Variants in SLC26A7 observed in about 807,000 individuals in gnomAD.
SLC26A7 encodes the protein solute carrier family 26 member 7.
In SLC26A7, 59 loss-of-function variants were observed where a neutral mutation model predicts 82.5. The observed-to-expected ratio is 0.72, with a 90% CI of 0.58 to 0.89. SLC26A7 has a LOEUF of 0.89. SLC26A7 is among the 40% of genes least tolerant of loss of function. The pLI is 0.00. For missense variants in SLC26A7, 820 were observed against 793.0 expected, an observed-to-expected ratio of 1.03 and a Z score of -0.41; for synonymous variants, 271 against 274.3, an observed-to-expected ratio of 0.99 and a Z score of 0.12.
At chr8:91,270,173 T>G (rs1811230500) in intron 2 of SLC26A7, among the ~76,000 whole-genome samples, 1 of 152,218 alleles carries the variant, frequency 6.6e-6, no homozygotes, top group Non-Finnish European at 1.5e-5. Flanking sequence ...TTACACTGAT[T>G]CCTGCACATT....
chr8:91,269,600 T>A (rs1252438512), intron 2 of SLC26A7, among the ~76,000 whole-genome samples: 1 of 152,172 alleles, frequency 6.6e-6, no homozygotes, highest in African/African-American at 2.4e-5. Flanking sequence ...GCCTTGGGAA[T>A]TTTCTCTTTG....
intron 4 of SLC26A7, among the ~76,000 whole-genome samples, chr8:91,317,293 GA>G (rs1812664520): frequency 6.6e-6 from 1 of 152,172 alleles, no homozygotes; most frequent in South Asian, 2.1e-4. Flanking sequence ...ATGGTTTTGA[GA>G]TGGAGGATGT....
intron 9 of SLC26A7, among the ~76,000 whole-genome samples, chr8:91,346,592 A>C (rs915073048): frequency 6.6e-6 from 1 of 152,178 alleles, no homozygotes; most frequent in East Asian, 1.9e-4. Flanking sequence ...TGAATTTACC[A>C]ACTGACTTTT....
chr8:91,272,923 A>G (rs1811310349), intron 2 of SLC26A7, among the ~76,000 whole-genome samples: 1 of 152,214 alleles, frequency 6.6e-6, no homozygotes, highest in Non-Finnish European at 1.5e-5. Context: ...AAAGCATGTT[A>G]TCTGAACAGA....
chr8:91,368,611 G>A (rs1814265419), intron 14 of SLC26A7, among the ~76,000 whole-genome samples: 2 of 151,774 alleles, frequency 1.3e-5, no homozygotes, highest in South Asian at 4.2e-4. Context: ...TTTTAGTAGA[G>A]ACGGGGTTTC....
chr8:91,308,610 G>T (rs1156761812), intron 4 of SLC26A7, among the ~76,000 whole-genome samples: 2 of 152,120 alleles, frequency 1.3e-5, no homozygotes, highest in African/African-American at 2.4e-5. Context: ...CACACTTAAG[G>T]AGTGGAGGTT....
At chr8:91,321,337 A>G (rs145989834) in intron 5 of SLC26A7, among the ~76,000 whole-genome samples, 61 of 152,338 alleles carry the variant, frequency 4.0e-4, no homozygotes, top group Middle Eastern at 6.8e-3. Context: ...AGGGATAGAC[A>G]TGGCATAATG....
chr8:91,344,801 C>T (rs944230959), intron 9 of SLC26A7, among the ~76,000 whole-genome samples: 12 of 152,050 alleles, frequency 7.9e-5, no homozygotes, highest in African/African-American at 2.4e-4. Context: ...TCTGTAGTGG[C>T]GTAAACATTT....
intron 15 of SLC26A7, among the ~76,000 whole-genome samples, chr8:91,383,279 T>C (rs1032164965): frequency 1.3e-5 from 2 of 152,134 alleles, no homozygotes; most frequent in African/African-American, 4.8e-5. Flanking sequence ...TTCTGAAACT[T>C]TGAAACTCTC....
intron 11 of SLC26A7, among the ~76,000 whole-genome samples, chr8:91,358,786 A>G (rs975883392): frequency 6.6e-5 from 10 of 152,190 alleles, no homozygotes; most frequent in Admixed American, 3.9e-4. Flanking sequence ...TTGTAGGGAC[A>G]TGGATGAAGC....
At chr8:91,238,383 G>A (rs59069784) in intron 2 of SLC26A7, among the ~76,000 whole-genome samples, 3,149 of 151,988 alleles carry the variant, frequency 0.021, 92 homozygotes, top group African/African-American at 0.072. Context: ...ATGGAGGTGG[G>A]ATATGAAAAT....
Position 91,394,004 on chromosome 8 carries a change from G to A in SLC26A7, c.1900G>A (p.Val634Ile), listed in dbSNP as rs1221576655. 1.9e-6 allele frequency: 3 copies of A among 1,613,400 alleles called. No individual in the cohort carries two copies. The Admixed American group carries it at 5.0e-5, about 27-fold the overall frequency. ...DSEKPIFFES[V>I]SAAISHIHSN... is the part of the protein sequence containing the mutation. ...AGAGAAACCAATTTTTTTTGAATCG[G>A]TATCTGCTGCAATAAGTCATATCCA... is the stretch of plus-strand genomic sequence containing the variant. The change falls in exon 18 of 19, where the codon GTA (valine) becomes ATA (isoleucine). Residue 634 changes from valine to isoleucine, a missense_variant. Val to Ile is a conservative substitution (Grantham distance 29). Transcript: ENST00000276609.
chr8:91,393,198 A>T (rs745560311), intron 16 of SLC26A7, among the ~76,000 whole-genome samples: 43 of 152,246 alleles, frequency 2.8e-4, no homozygotes, highest in Non-Finnish European at 5.1e-4. Context: ...TGAATTTAAG[A>T]TCAGAGCCTT....
At chr8:91,381,721 C>CA (rs1222241050) in intron 15 of SLC26A7, among the ~76,000 whole-genome samples, 1 of 152,102 alleles carries the variant, frequency 6.6e-6, no homozygotes, top group Admixed American at 6.6e-5. Context: ...TCCTTCTTCT[C>CA]TCCCCTCCAA....
intron 2 of SLC26A7, among the ~76,000 whole-genome samples, chr8:91,254,251 G>A (rs778537921): frequency 2.0e-5 from 3 of 152,060 alleles, no homozygotes; most frequent in African/African-American, 4.8e-5. Context: ...TCTCCATGCG[G>A]CAAAATCTGC....
At chr8:91,342,017 T>C (rs938441767) in intron 8 of SLC26A7, among the ~76,000 whole-genome samples, 4 of 152,098 alleles carry the variant, frequency 2.6e-5, no homozygotes, top group African/African-American at 7.2e-5. Flanking sequence ...GGCCTCAACC[T>C]CCTGGGCTCA....
chr8:91,382,339 A>G (rs1190873758), intron 15 of SLC26A7, among the ~76,000 whole-genome samples: 4 of 152,148 alleles, frequency 2.6e-5, no homozygotes, highest in Non-Finnish European at 5.9e-5. Context: ...ACCACACATT[A>G]TACAAGCTCT....
At chr8:91,250,344 T>G (rs533020562) in intron 2 of SLC26A7, among the ~76,000 whole-genome samples, 4 of 152,240 alleles carry the variant, frequency 2.6e-5, no homozygotes, top group Non-Finnish European at 5.9e-5. Context: ...GAGAATCCTG[T>G]GTGTCCTGAG....
At chr8:91,251,505 C>G (rs1810655952) in intron 2 of SLC26A7, among the ~76,000 whole-genome samples, 1 of 152,050 alleles carries the variant, frequency 6.6e-6, no homozygotes. Context: ...TTTAAAATGT[C>G]TATTCTTTTA....
Sources: allele counts gnomAD v4.1 joint callset (sites outside exome capture counted in the v4.1 genomes callset), GRCh38; gene constraint gnomAD v4.1.1; transcripts MANE v1.5; gene names NCBI Gene and HGNC (gene_info 2026-07-23, HGNC 2026-07-21).